Variants in PRKCE observed in about 807,000 individuals in gnomAD.
PRKCE encodes protein kinase C epsilon.
In PRKCE, 16 loss-of-function variants were observed where a neutral mutation model predicts 85.4. The ratio of observed to expected loss-of-function variants is 0.19; its 90% CI spans 0.13 to 0.28. The LOEUF is 0.28. Among genes scored for constraint, PRKCE ranks in the 10% least tolerant of loss-of-function variants. The pLI is 1.00. For synonymous variants in PRKCE, 388 were observed against 371.5 expected, an observed-to-expected ratio of 1.04 and a Z score of -0.51; for missense variants, 573 against 975.2, an observed-to-expected ratio of 0.59 and a Z score of 5.49.
chr2:45,909,984 TG>T (rs1697259811), intron 2 of PRKCE, among the ~76,000 whole-genome samples: 2 of 152,080 alleles, frequency 1.3e-5, no homozygotes, highest in Admixed American at 6.6e-5. Flanking sequence ...TCTGCTTATG[TG>T]CAAGGTAGAA....
At chr2:45,976,057 C>T (rs1702431067) in intron 2 of PRKCE, among the ~76,000 whole-genome samples, 1 of 152,180 alleles carries the variant, frequency 6.6e-6, no homozygotes, top group Non-Finnish European at 1.5e-5. Context: ...CACCACCTAT[C>T]CAAGGTCACA....
chr2:45,692,524 A>C (rs1677812814), intron 1 of PRKCE, among the ~76,000 whole-genome samples: 1 of 152,166 alleles, frequency 6.6e-6, no homozygotes, highest in Admixed American at 6.5e-5. Context: ...CATATTTCCA[A>C]ATCAGGTCAC....
intron 1 of PRKCE, among the ~76,000 whole-genome samples, chr2:45,784,388 A>G (rs1390095038): frequency 2.0e-5 from 3 of 152,258 alleles, no homozygotes; most frequent in Non-Finnish European, 4.4e-5. Flanking sequence ...CTGTGAATCT[A>G]GGAGAAGACT....
chr2:46,131,898 T>C (rs899425543), intron 11 of PRKCE, among the ~76,000 whole-genome samples: 6 of 152,214 alleles, frequency 3.9e-5, no homozygotes, highest in African/African-American at 1.2e-4. Context: ...CTAAAGCTAT[T>C]CACTGGGCAG....
At chr2:45,941,605 A>AAGGGG (rs1390870812) in intron 2 of PRKCE, among the ~76,000 whole-genome samples, 19 of 152,318 alleles carry the variant, frequency 1.2e-4, no homozygotes, top group African/African-American at 4.6e-4. Context: ...TGAATTAACA[A>AAGGGG]AGGGGAGGGG....
chr2:45,779,158 T>C (rs1377511199), intron 1 of PRKCE, among the ~76,000 whole-genome samples: 1 of 152,198 alleles, frequency 6.6e-6, no homozygotes, highest in Non-Finnish European at 1.5e-5. Flanking sequence ...AACTACGTCC[T>C]GGACTACCTA....
intron 2 of PRKCE, among the ~76,000 whole-genome samples, chr2:45,952,941 C>G (rs1700723442): frequency 6.6e-6 from 1 of 152,202 alleles, no homozygotes. Flanking sequence ...GAGGATTTGT[C>G]TTAAGCGGTA....
intron 14 of PRKCE, among the ~76,000 whole-genome samples, chr2:46,183,484 A>G (rs1249224136): frequency 6.6e-6 from 1 of 152,236 alleles, no homozygotes; most frequent in Non-Finnish European, 1.5e-5. Context: ...AATACCAGTT[A>G]ATCAGTGTCT....
At chr2:45,837,075 C>T (rs962661204) in intron 1 of PRKCE, among the ~76,000 whole-genome samples, 62 of 152,316 alleles carry the variant, frequency 4.1e-4, no homozygotes, top group African/African-American at 1.4e-3. Context: ...TAACCCCCAA[C>T]ATGTAGGTGT....
chr2:45,894,321 C>T (rs1695967275), intron 2 of PRKCE, among the ~76,000 whole-genome samples: 1 of 151,602 alleles, frequency 6.6e-6, no homozygotes, highest in African/African-American at 2.4e-5. Flanking sequence ...TTACTTTGAG[C>T]AATGAACACC....
intron 2 of PRKCE, among the ~76,000 whole-genome samples, chr2:45,878,798 G>T (rs984544972): frequency 6.6e-6 from 1 of 152,158 alleles, no homozygotes; most frequent in South Asian, 2.1e-4. Context: ...AGCTTTAAAA[G>T]ATGCACTTAT....
chr2:45,818,319 AGATG>A (rs1689250556), intron 1 of PRKCE, among the ~76,000 whole-genome samples: 1 of 152,194 alleles, frequency 6.6e-6, no homozygotes, highest in Non-Finnish European at 1.5e-5. Flanking sequence ...TGGCTTCAGA[AGATG>A]GATGAACTGG....
intron 4 of PRKCE, among the ~76,000 whole-genome samples, chr2:45,979,859 C>G (rs1043168021): frequency 2.6e-5 from 4 of 152,156 alleles, no homozygotes; most frequent in Non-Finnish European, 5.9e-5. Flanking sequence ...GATAAAAAAG[C>G]CTCAGAACCT....
Position 45,795,326 on chromosome 2 carries a change from G to T in PRKCE, c.349-47674G>T, listed in dbSNP as rs999077114. Among the ~76,000 whole-genome samples the T allele has an allele frequency of 4.6e-5, 7 of 152,010 alleles. No individual in the cohort carries two copies. The East Asian group carries it at 1.4e-3, about 29-fold the overall frequency. On this transcript the variant is annotated intron_variant, in intron 1 of 14. Coordinates refer to ENST00000306156, the MANE Select transcript of PRKCE (RefSeq NM_005400.3). ...GAACATTATTGTTATTATTTTTTTT[G>T]AGATGGAGTGTTGCTCTTGTCACCC...
intron 11 of PRKCE, among the ~76,000 whole-genome samples, chr2:46,122,270 C>T (rs1037247987): frequency 2.0e-5 from 3 of 152,096 alleles, no homozygotes; most frequent in African/African-American, 7.2e-5. Context: ...CTTGTTCTGT[C>T]ATCCAGGGTG....
chr2:45,734,738 C>G (rs1469627701), intron 1 of PRKCE, among the ~76,000 whole-genome samples: 1 of 152,092 alleles, frequency 6.6e-6, no homozygotes, highest in Non-Finnish European at 1.5e-5. Context: ...TACTCACTCC[C>G]CAACTGCTGG....
chr2:45,817,868 A>G (rs1242182980), intron 1 of PRKCE, among the ~76,000 whole-genome samples: 1 of 152,146 alleles, frequency 6.6e-6, no homozygotes, highest in Non-Finnish European at 1.5e-5. Context: ...TGAAGGTGAG[A>G]GGAGCCACGT....
chr2:45,813,762 C>G (rs1390978800), intron 1 of PRKCE, among the ~76,000 whole-genome samples: 1 of 152,152 alleles, frequency 6.6e-6, no homozygotes, highest in Non-Finnish European at 1.5e-5. Context: ...GTGAATTCTC[C>G]TCTGTGAAAT....
chr2:45,939,182 A>G (rs12712955), intron 2 of PRKCE, among the ~76,000 whole-genome samples: 65,433 of 152,158 alleles, frequency 0.43, 14,705 homozygotes, highest in Middle Eastern at 0.56. Flanking sequence ...AGGCTTCAAT[A>G]AGACAAGGGA....
Sources: allele counts gnomAD v4.1 joint callset (sites outside exome capture counted in the v4.1 genomes callset), GRCh38; gene constraint gnomAD v4.1.1; transcripts MANE v1.5; gene names NCBI Gene and HGNC (gene_info 2026-07-23, HGNC 2026-07-21).